Variants in ZNF208 observed in about 807,000 individuals in gnomAD.
ZNF208 encodes zinc finger protein 208.
ZNF208 carries 10 observed loss-of-function variants against 12.1 expected under a neutral mutation model. The ratio of observed to expected loss-of-function variants is 0.83; its 90% CI spans 0.51 to 1.40. The LOEUF (loss-of-function observed/expected upper bound fraction) is 1.40. Ranked by LOEUF, ZNF208 falls within the 40% of genes most tolerant of loss-of-function variation. The probability of loss-of-function intolerance (pLI) is 0.00; values close to 1 mark genes in which losing one functional copy is unlikely to be tolerated. For missense variants in ZNF208, 1,652 were observed against 1,485.0 expected, an observed-to-expected ratio of 1.11 and a Z score of -1.85; for synonymous variants, 497 against 488.4, an observed-to-expected ratio of 1.02 and a Z score of -0.23.
chr19:21,973,278 A>T lies in ZNF208; in HGVS notation c.1756T>A (p.Cys586Ser). The change falls in exon 4 of 4, where the codon TGT (cysteine) becomes AGT (serine). Residue 586 changes from cysteine (C) to serine (S), a missense_variant. This residue lies in a region of ZNF208 where 1,239 missense variants were observed against 1,086.2 expected (regional missense o/e 1.14). Coordinates refer to ENST00000397126, the MANE Select transcript of ZNF208 (RefSeq NM_007153.3). ...TVEKPYKCEE[C>S]GKAFNQSAIL... Reference sequence around the variant, plus strand: ...GCAGATTGGTTAAAAGCTTTGCCACATTCTTCACATTTGTAGGGTTTCTCT... The same window carrying T: ...GCAGATTGGTTAAAAGCTTTGCCACTTTCTTCACATTTGTAGGGTTTCTCT... 1 of 1,611,270 alleles carries T rather than the reference A, an allele frequency of 6.2e-7. No homozygotes were observed. Among genetic ancestry groups the T allele is most frequent in the Non-Finnish European group, 8.5e-7 (1 of 1,178,570 alleles).
rs1971070939 is a variant in ZNF208 at position 22,007,727 on chromosome 19, C to T, written c.3+3065G>A. 2.0e-5 allele frequency among the ~76,000 whole-genome samples: 3 copies of T among 151,884 alleles called. No individual in the cohort carries two copies. The South Asian group carries it at 6.2e-4, about 32-fold the overall frequency. On this transcript the variant is annotated intron_variant, in intron 1 of 3. Coordinates refer to ENST00000397126, the MANE Select transcript of ZNF208 (RefSeq NM_007153.3). The stretch of plus-strand genomic sequence containing the variant: ...TTAAAAAACTGAGGTCAGCCGGGCA[C>T]AGGGGCTCACACCTGCAATCCCAGC...
intron 3 of ZNF208, among the ~76,000 whole-genome samples, chr19:21,983,673 T>C (rs1970584561): frequency 6.6e-6 from 1 of 150,626 alleles, no homozygotes; most frequent in African/African-American, 2.4e-5. Flanking sequence ...TAGGCAGCCA[T>C]AAAAAAAAAT....
rs370989342 is a variant in ZNF208 at position 21,971,362 on chromosome 19, G to C, written c.3672C>G (p.Pro1224=). The C allele has an allele frequency of 3.7e-6, 6 of 1,610,928 alleles. No homozygotes were observed. The African/African-American group carries it at 8.0e-5, about 22-fold the overall frequency. ...CTTTGCCACATTCTTCACATTTGTA[G>C]GGTTTCTCTCCAGTATGAATTTTCT... ...YHKKIHTGEK[P]YKCEECGKAF... is the part of the protein sequence containing the mutation. Residue 1224 remains proline, a synonymous_variant, in exon 4 of 4, where the codon CCC becomes CCG. Coordinates refer to ENST00000397126, the MANE Select transcript of ZNF208 (RefSeq NM_007153.3).
At position 21,966,279 on chromosome 19, in the gene ZNF208, T is replaced by A. The variant is rs534075250; in HGVS notation, c.*4912A>T. ...CCATCCTTCCTCCTTCTTTTTAGAA[T>A]TCTCAGTGTTTATTGTTTTCATCTT... On this transcript the variant is annotated 3_prime_UTR_variant, in exon 4 of 4. Transcript: ENST00000397126. 6.6e-6 allele frequency: 1 copy of A among 152,196 alleles called. No homozygotes were observed. Among genetic ancestry groups the A allele is most frequent in the South Asian group, 2.1e-4 (1 of 4,820 alleles). 9.4% of individuals were successfully genotyped at this position (152,196 alleles called of 1,614,324 possible). A position where few individuals can be genotyped will look rare whatever the true frequency, so the allele number is the denominator to read the frequency against.
At chr19:21,984,706 T>C (rs771234320) in intron 3 of ZNF208, among the ~76,000 whole-genome samples, 59 of 152,172 alleles carry the variant, frequency 3.9e-4, no homozygotes, top group Non-Finnish European at 2.1e-4. Flanking sequence ...TTTTTCAAAT[T>C]TCTCCTTGCA....
In ZNF208 at chr19:21,973,173, C is replaced by T; in HGVS notation, c.1861G>A (p.Val621Ile). Residue 621 changes from valine to isoleucine, a missense_variant, in exon 4 of 4, where the codon GTC becomes ATC. Val to Ile is a conservative substitution (Grantham distance 29). This residue lies in a region of ZNF208 where 1,239 missense variants were observed against 1,086.2 expected (regional missense o/e 1.14). Coordinates refer to ENST00000397126, the MANE Select transcript of ZNF208 (RefSeq NM_007153.3). ...GCCTTATGTGTAGTAAGGGTTGAGA[C>T]CTTACTAAAGGTTTTGCCACATTCT... ...CEECGKTFSK[V>I]STLTTHKAIH... 7 of 1,600,560 alleles carry T rather than the reference C, an allele frequency of 4.4e-6. No homozygotes were observed. The highest frequency in any genetic ancestry group is 1.1e-5 in the South Asian group (1 of 90,428).
In ZNF208 at chr19:21,971,267, T is replaced by A; in HGVS notation, c.3767A>T (p.Glu1256Val). The change falls in exon 4 of 4, where the codon GAA becomes GTA. Residue 1256 changes from glutamate to valine, a missense_variant. Glu to Val is a moderately radical substitution (Grantham distance 121). Coordinates refer to ENST00000397126, the MANE Select transcript of ZNF208 (RefSeq NM_007153.3). ...CCAGCTGAAGGCTTTGCCACATTCT[T>A]CACATTTGTAGGGTTTCTCTCCAGT... is the stretch of plus-strand genomic sequence containing the variant. The part of the protein sequence containing the change: ...IHTGEKPYKC[E>V]ECGKAFSWLS... The A allele has an allele frequency of 6.2e-7, 1 of 1,612,544 alleles. No individual in the cohort carries two copies. The highest frequency in any genetic ancestry group is 8.5e-7 in the Non-Finnish European group (1 of 1,179,938).
downstream of ZNF208, among the ~76,000 whole-genome samples, chr19:21,962,109 A>G (rs1411115228): frequency 2.6e-5 from 4 of 152,184 alleles, no homozygotes; most frequent in Non-Finnish European, 5.9e-5. Flanking sequence ...AAGAAATTAT[A>G]AGAGTGTTTT....
rs1970217928 is a variant in ZNF208 at position 21,968,693 on chromosome 19, C to T, written c.*2498G>A. 6.6e-6 allele frequency among the ~76,000 whole-genome samples: 1 copy of T among 151,924 alleles called. No individual in the cohort carries two copies. The highest frequency in any genetic ancestry group is 2.1e-4 in the South Asian group (1 of 4,820). On this transcript the variant is annotated 3_prime_UTR_variant, in exon 4 of 4. Coordinates refer to ENST00000397126, the MANE Select transcript of ZNF208 (RefSeq NM_007153.3). ...CTAGATTTTAGTTTCATATATTTCACTGATTTAATATAACAAGTTAGGGTG... is the reference window on the plus strand; with the variant it reads ...CTAGATTTTAGTTTCATATATTTCATTGATTTAATATAACAAGTTAGGGTG...
Position 21,968,136 on chromosome 19 carries a change from G to A in ZNF208, c.*3055C>T, listed in dbSNP as rs1187512679. The A allele has an allele frequency of 3.3e-5, 5 of 151,772 alleles. No homozygotes were observed. The highest frequency in any genetic ancestry group is 5.9e-5 in the Non-Finnish European group (4 of 67,930). The allele number at this position is 151,772 out of a possible 1,614,324, so 9.4% of individuals were successfully genotyped here. A position where few individuals can be genotyped will look rare whatever the true frequency, so the allele number is the denominator to read the frequency against. Reference sequence around the variant, plus strand: ...CTTTTTCCAGGCTTAGAACTCTTTTGGTGAAACCTTTAAAGTATTCTAGGT... The same window carrying A: ...CTTTTTCCAGGCTTAGAACTCTTTTAGTGAAACCTTTAAAGTATTCTAGGT... On this transcript the variant is annotated 3_prime_UTR_variant, in exon 4 of 4. Transcript: ENST00000397126.
intron 3 of ZNF208, among the ~76,000 whole-genome samples, chr19:21,978,138 G>A (rs1329943169): frequency 6.6e-6 from 1 of 152,192 alleles, no homozygotes; most frequent in East Asian, 1.9e-4. Context: ...GGACAGCTGT[G>A]AGTGCAGCTT....
At chr19:21,987,573 C>T (rs1213850936) in intron 2 of ZNF208, among the ~76,000 whole-genome samples, 2 of 152,100 alleles carry the variant, frequency 1.3e-5, no homozygotes, top group African/African-American at 4.8e-5. Context: ...ATGACCAGAG[C>T]GTGACCTGCT....
At chr19:21,988,972 A>G in intron 1 of ZNF208, 63 bp from the exon 2 acceptor site, 1 of 1,603,022 alleles carries the variant, frequency 6.2e-7, no homozygotes, top group Non-Finnish European at 8.5e-7. Flanking sequence ...ATTTGACTCA[A>G]GGTAAAATGC....
chr19:21,956,885 A>G (rs1178981066), intron 4 of ZNF208, among the ~76,000 whole-genome samples: 1 of 152,172 alleles, frequency 6.6e-6, no homozygotes, highest in Non-Finnish European at 1.5e-5. Flanking sequence ...CTCAGTTGAA[A>G]ATGCAGAAAT....
chr19:21,943,738 A>G (rs548136214), intron 4 of ZNF208, among the ~76,000 whole-genome samples: 8 of 152,212 alleles, frequency 5.3e-5, no homozygotes, highest in Non-Finnish European at 1.2e-4. Flanking sequence ...GGACCTCAAT[A>G]TAATGATATC....
intron 4 of ZNF208, among the ~76,000 whole-genome samples, chr19:21,945,074 A>C (rs1969796165): frequency 2.0e-5 from 3 of 152,222 alleles, no homozygotes; most frequent in Admixed American, 1.3e-4. Flanking sequence ...TGGAGATTTA[A>C]GATGCTAGTG....
Position 21,988,869 on chromosome 19 carries a change from A to G in ZNF208, c.44T>C (p.Leu15Pro), listed in dbSNP as rs770626441. ...TFRDVAIEFS[L>P]EEWQCLDTAQ... The stretch of plus-strand genomic sequence containing the variant: ...AGTGTCCAGGCATTGCCACTCCTCC[A>G]GAGAGAATTCTATGGCCACATCCCT... Residue 15 changes from leucine (L) to proline (P), a missense_variant, in exon 2 of 4, where the codon CTG becomes CCG. This residue lies in a region of ZNF208 where 410 missense variants were observed against 378.2 expected (regional missense o/e 1.08). Transcript: ENST00000397126. The G allele has an allele frequency of 1.9e-5, 31 of 1,614,006 alleles. No individual in the cohort carries two copies. Among genetic ancestry groups the G allele is most frequent in the Non-Finnish European group, 2.6e-5 (31 of 1,179,982 alleles).
chr19:21,971,608 T>A lies in ZNF208; in HGVS notation c.3426A>T (p.Lys1142Asn), dbSNP rs1272890123. 6.2e-7 allele frequency: 1 copy of A among 1,612,378 alleles called. No individual in the cohort carries two copies. Among genetic ancestry groups the A allele is most frequent in the African/African-American group, 1.3e-5 (1 of 75,020 alleles). Residue 1142 changes from lysine (K) to asparagine (N), a missense_variant, in exon 4 of 4, where the codon AAA becomes AAT. Coordinates refer to ENST00000397126, the MANE Select transcript of ZNF208 (RefSeq NM_007153.3). Reference sequence around the variant, plus strand: ...TATAGGCTTTGCCACATTCTTCACATTTGTAGGGTTTCTCTCCAGTATGAA... The same window carrying A: ...TATAGGCTTTGCCACATTCTTCACAATTGTAGGGTTTCTCTCCAGTATGAA... Reference protein sequence around the residue: ...KVIHTGEKPYKCEECGKAYKW... With the variant: ...KVIHTGEKPYNCEECGKAYKW...
At chr19:21,953,590 C>A (rs1969926622) in intron 4 of ZNF208, among the ~76,000 whole-genome samples, 1 of 152,190 alleles carries the variant, frequency 6.6e-6, no homozygotes. Context: ...AAATAAAATC[C>A]TTTACAGACA....
Sources: allele counts gnomAD v4.1 joint callset (sites outside exome capture counted in the v4.1 genomes callset), GRCh38; gene constraint gnomAD v4.1.1; regional missense constraint gnomAD v4.1.1; transcripts MANE v1.5; gene names NCBI Gene and HGNC (gene_info 2026-07-23, HGNC 2026-07-21).